The following DNM3 variants were observed in gnomAD, a reference collection of about 807,000 sequenced individuals.
DNM3 encodes dynamin 3.
Under a neutral mutation model 101.6 loss-of-function variants are expected in DNM3, and 47 were observed. That is an observed-to-expected ratio of 0.46 (90% CI 0.37 to 0.59). The LOEUF (loss-of-function observed/expected upper bound fraction) is 0.59, where lower values mean the gene tolerates loss of function less well. Among genes scored for constraint, DNM3 ranks in the 20% least tolerant of loss-of-function variants. The probability of loss-of-function intolerance (pLI) is 0.00; values close to 1 mark genes in which losing one functional copy is unlikely to be tolerated. For missense variants in DNM3, 849 were observed against 1,085.7 expected (o/e 0.78, Z 3.06); for synonymous variants, 385 against 387.9 (o/e 0.99, Z 0.09).
At chr1:172,306,825 T>G (rs2064842119) in intron 15 of DNM3, among the ~76,000 whole-genome samples, 1 of 152,210 alleles carries the variant, frequency 6.6e-6, no homozygotes, top group Non-Finnish European at 1.5e-5. Flanking sequence ...GGTAGCCATA[T>G]GTAGAAATCT....
chr1:171,865,906 CA>C (rs1346250674), intron 1 of DNM3, among the ~76,000 whole-genome samples: 7 of 152,154 alleles, frequency 4.6e-5, no homozygotes, highest in African/African-American at 7.2e-5. Context: ...GTTGAGATTT[CA>C]ATGTAAATAC....
At chr1:172,044,163 C>A (rs1186851602) in intron 8 of DNM3, among the ~76,000 whole-genome samples, 2 of 152,178 alleles carry the variant, frequency 1.3e-5, no homozygotes, top group African/African-American at 4.8e-5. Flanking sequence ...ATATCTATAA[C>A]AGAGTTAAAA....
chr1:172,219,421 T>C (rs1470547318), intron 14 of DNM3, among the ~76,000 whole-genome samples: 1 of 149,906 alleles, frequency 6.7e-6, no homozygotes, highest in Non-Finnish European at 1.5e-5. Flanking sequence ...TCTCAAGAGT[T>C]CTAATATGTA....
intron 13 of DNM3, among the ~76,000 whole-genome samples, chr1:172,106,920 G>A (rs2147917571): frequency 7.5e-6 from 1 of 134,162 alleles, no homozygotes; most frequent in South Asian, 2.3e-4. Flanking sequence ...GACTGCAGTG[G>A]CGCAATCTCG....
At chr1:171,993,498 C>CTTT (rs145178902) in intron 4 of DNM3, among the ~76,000 whole-genome samples, 7,090 of 128,544 alleles carry the variant, frequency 0.055, 409 homozygotes, top group African/African-American at 0.1. Flanking sequence ...TTTCAAGATT[C>CTTT]TTTTTTTTTT....
chr1:172,131,152 T>G (rs758299787), intron 13 of DNM3, 23 bp from the exon 14 acceptor site: 24 of 1,608,832 alleles, frequency 1.5e-5, no homozygotes, highest in African/African-American at 8.0e-5. Flanking sequence ...TAAACACCTC[T>G]GCTGATTTCT....
intron 15 of DNM3, among the ~76,000 whole-genome samples, chr1:172,291,959 A>G (rs939696547): frequency 6.6e-6 from 1 of 152,234 alleles, no homozygotes; most frequent in Non-Finnish European, 1.5e-5. Flanking sequence ...TGAGCAAACT[A>G]GAAGGATGGG....
chr1:172,113,620 C>CAAAA (rs34129992), intron 13 of DNM3, among the ~76,000 whole-genome samples: 312 of 51,608 alleles, frequency 6.0e-3, no homozygotes, highest in East Asian at 0.018. Context: ...AACTCTGTCT[C>CAAAA]AAAAAAAAAA....
At chr1:171,944,942 A>T (rs1226689425) in intron 2 of DNM3, among the ~76,000 whole-genome samples, 1 of 134,130 alleles carries the variant, frequency 7.5e-6, no homozygotes, top group Non-Finnish European at 1.5e-5. Flanking sequence ...CGTCTCACTG[A>T]AGCCTTGACC....
intron 13 of DNM3, among the ~76,000 whole-genome samples, chr1:172,112,042 T>G (rs1558586609): frequency 2.0e-5 from 3 of 152,230 alleles, no homozygotes; most frequent in Non-Finnish European, 4.4e-5. Context: ...ATCATAATAA[T>G]AGCTATAATT....
chr1:172,364,324 C>T (rs2067897740), intron 17 of DNM3, among the ~76,000 whole-genome samples: 1 of 151,832 alleles, frequency 6.6e-6, no homozygotes, highest in Non-Finnish European at 1.5e-5. Flanking sequence ...TGCTGTACAA[C>T]ATTAGTATCT....
At chr1:172,261,524 G>T (rs1176330832) in intron 15 of DNM3, among the ~76,000 whole-genome samples, 2 of 152,230 alleles carry the variant, frequency 1.3e-5, no homozygotes, top group Non-Finnish European at 2.9e-5. Context: ...CACTGGTGCT[G>T]GTGTTGGTGG....
At chr1:171,855,183 GTCCGTGTTCCTGCAAAGAACA>G (rs1456174614) in intron 1 of DNM3, among the ~76,000 whole-genome samples, 11 of 152,092 alleles carry the variant, frequency 7.2e-5, no homozygotes, top group Non-Finnish European at 1.0e-4. Context: ...CTCCAGCTCC[GTCCGTGTTCCTGCAAAGAACA>G]TGATCTCATT....
At position 172,253,541 on chromosome 1, in the gene DNM3, TCTCC is replaced by T; in HGVS notation, c.1660-28_1660-25del. 1.8e-6 allele frequency: 2 copies of T among 1,085,320 alleles called. 1 individual carries two copies. Among genetic ancestry groups the T allele is most frequent in the South Asian group, 2.7e-5 (2 of 73,954 alleles). The allele number at this position is 1,085,320 out of a possible 1,614,324, so 67.2% of individuals were successfully genotyped here. A position where few individuals can be genotyped will look rare whatever the true frequency, so the allele number is the denominator to read the frequency against. On this transcript the variant is annotated intron_variant, in intron 14 of 20. Coordinates refer to ENST00000627582, the MANE Select transcript of DNM3 (RefSeq NM_015569.5). ...TCTCCTCTCCTCTCCTCTCCTCTCC[TCTCC>T]CTCTTTTCTTTCTCTCTCTTATAAT...
intron 14 of DNM3, among the ~76,000 whole-genome samples, chr1:172,209,395 C>G (rs1285334609): frequency 6.6e-6 from 1 of 151,878 alleles, no homozygotes; most frequent in South Asian, 2.1e-4. Flanking sequence ...GTAGCCCTAG[C>G]AAAATAATAC....
intron 14 of DNM3, among the ~76,000 whole-genome samples, chr1:172,211,040 C>T (rs757005229): frequency 1.3e-4 from 20 of 151,966 alleles, no homozygotes; most frequent in South Asian, 6.2e-4. Context: ...GTTGAGTAAA[C>T]GGAAATATAT....
In DNM3 at chr1:171,891,835, A is replaced by G. The variant is rs1014191202; in HGVS notation, c.162-29913A>G. 2.6e-5 allele frequency among the ~76,000 whole-genome samples: 4 copies of G among 152,238 alleles called. No individual in the cohort carries two copies. The East Asian group carries it at 5.8e-4, about 22-fold the overall frequency. ...TGTCCATCATCACCTGGCTCTGGTTATGGTTGTCAGGCTTTCCCTTTCTAT... is the reference window on the plus strand; with the variant it reads ...TGTCCATCATCACCTGGCTCTGGTTGTGGTTGTCAGGCTTTCCCTTTCTAT... On this transcript the variant is annotated intron_variant, in intron 1 of 20. Coordinates refer to ENST00000627582, the MANE Select transcript of DNM3 (RefSeq NM_015569.5).
At chr1:172,103,950 C>G (rs905227876) in intron 13 of DNM3, among the ~76,000 whole-genome samples, 31 of 152,088 alleles carry the variant, frequency 2.0e-4, no homozygotes, top group Admixed American at 2.0e-4. Context: ...GCAGTGAGCC[C>G]AGATCGTGCC....
At position 172,408,829 on chromosome 1, in the gene DNM3, T is replaced by C. The variant is rs977480170; in HGVS notation, c.*988T>C. ...TCCTACCCTTGAAACAGGCTCAGTG[T>C]AACTGTATATCCATTCTAGGCTTTC... On this transcript the variant is annotated 3_prime_UTR_variant, in exon 21 of 21. Transcript: ENST00000627582. 2.0e-6 allele frequency: 2 copies of C among 985,128 alleles called. No homozygotes were observed. Among genetic ancestry groups the C allele is most frequent in the African/African-American group, 3.5e-5 (2 of 57,240 alleles). The allele number at this position is 985,128 out of a possible 1,614,324, so 61.0% of individuals were successfully genotyped here.
Sources: allele counts gnomAD v4.1 joint callset (sites outside exome capture counted in the v4.1 genomes callset), GRCh38; gene constraint gnomAD v4.1.1; transcripts MANE v1.5; gene names NCBI Gene and HGNC (gene_info 2026-07-23, HGNC 2026-07-21).